IGF1R: variants seen among roughly 807,000 people sequenced by gnomAD.
The protein encoded by IGF1R is insulin like growth factor 1 receptor, also known as insulin-like growth factor 1 receptor.
IGF1R carries 44 observed loss-of-function variants against 144.6 expected under a neutral mutation model. The observed-to-expected ratio is 0.30, with a 90% CI of 0.24 to 0.39. The LOEUF (loss-of-function observed/expected upper bound fraction) is 0.39. Among genes scored for constraint, IGF1R ranks in the 10% least tolerant of loss-of-function variants. The pLI is 1.00. For synonymous variants in IGF1R, 795 were observed against 722.8 expected (o/e 1.10, Z -1.60); for missense variants, 1,355 against 1,833.7 (o/e 0.74, Z 4.77).
chr15:98,674,473 C>CT (rs2052980022), intron 1 of IGF1R, among the ~76,000 whole-genome samples: 2 of 152,260 alleles, frequency 1.3e-5, no homozygotes, highest in South Asian at 4.1e-4. Flanking sequence ...TATATGAGGT[C>CT]TACAGAGCGC....
chr15:98,817,903 C>T (rs920562629), intron 2 of IGF1R, among the ~76,000 whole-genome samples: 2 of 152,172 alleles, frequency 1.3e-5, no homozygotes, highest in Non-Finnish European at 2.9e-5. Flanking sequence ...TTCTCTCCAG[C>T]GTCATGGTTG....
intron 2 of IGF1R, among the ~76,000 whole-genome samples, chr15:98,772,485 T>TATC (rs1397161883): frequency 4.8e-5 from 3 of 62,412 alleles, no homozygotes; most frequent in Non-Finnish European, 1.1e-4. Flanking sequence ...AAATTATTAT[T>TATC]ATTATTATTA....
chr15:98,797,584 A>T (rs2056274279), intron 2 of IGF1R, among the ~76,000 whole-genome samples: 1 of 152,204 alleles, frequency 6.6e-6, no homozygotes, highest in Non-Finnish European at 1.5e-5. Context: ...AAGGCATTCC[A>T]TGCACATGCA....
chr15:98,899,271 C>A (rs903814003), intron 4 of IGF1R, among the ~76,000 whole-genome samples: 2 of 152,174 alleles, frequency 1.3e-5, no homozygotes, highest in Admixed American at 1.3e-4. Flanking sequence ...ACTTGGCTTC[C>A]CCTGCCTGGG....
intron 2 of IGF1R, among the ~76,000 whole-genome samples, chr15:98,848,176 CT>C (rs2141549998): frequency 6.6e-6 from 1 of 152,286 alleles, no homozygotes; most frequent in South Asian, 2.1e-4. Context: ...AAGTTGGAAC[CT>C]CTAGGTTTGA....
intron 1 of IGF1R, among the ~76,000 whole-genome samples, chr15:98,671,454 A>T (rs1836926534): frequency 6.6e-6 from 1 of 152,194 alleles, no homozygotes; most frequent in African/African-American, 2.4e-5. Context: ...TGTAAGGAGC[A>T]TGTCCCAACT....
intron 2 of IGF1R, among the ~76,000 whole-genome samples, chr15:98,826,971 T>C (rs1292474454): frequency 1.3e-5 from 2 of 152,236 alleles, no homozygotes; most frequent in Middle Eastern, 3.2e-3. Context: ...ATTAGACTCT[T>C]TTCATATCCC....
intron 2 of IGF1R, among the ~76,000 whole-genome samples, chr15:98,779,488 C>T (rs76530533): frequency 6.8e-4 from 103 of 152,298 alleles, no homozygotes; most frequent in African/African-American, 2.3e-3. Flanking sequence ...CTATTCCCAC[C>T]GTACAGATGA....
intron 1 of IGF1R, among the ~76,000 whole-genome samples, chr15:98,699,221 G>A (rs1448739192): frequency 6.6e-6 from 1 of 152,192 alleles, no homozygotes; most frequent in African/African-American, 2.4e-5. Flanking sequence ...GAGGTTTAGG[G>A]TGCTGTCTCA....
chr15:98,675,616 G>T (rs187859278), intron 1 of IGF1R, among the ~76,000 whole-genome samples: 1 of 152,228 alleles, frequency 6.6e-6, no homozygotes, highest in East Asian at 1.9e-4. Flanking sequence ...TGCCTAGTAA[G>T]TTTATACTCA....
At chr15:98,716,509 G>C (rs1291555516) in intron 2 of IGF1R, among the ~76,000 whole-genome samples, 1 of 152,070 alleles carries the variant, frequency 6.6e-6, no homozygotes, top group African/African-American at 2.4e-5. Flanking sequence ...ACCATTCTGG[G>C]TTCTAATCTG....
Position 98,801,587 on chromosome 15 carries a change from G to A in IGF1R, c.641-89738G>A, listed in dbSNP as rs557339622. 2.0e-5 allele frequency among the ~76,000 whole-genome samples: 3 copies of A among 152,334 alleles called. No homozygotes were observed. The South Asian group carries it at 6.2e-4, about 32-fold the overall frequency. On this transcript the variant is annotated intron_variant, in intron 2 of 20. Coordinates refer to ENST00000650285, the MANE Select transcript of IGF1R (RefSeq NM_000875.5). ...GGAGCAAACCCCAAGCCGACTGCTT[G>A]TCTGTGCCACCCTCAAACAATGATT... is the stretch of plus-strand genomic sequence containing the variant.
At chr15:98,947,714 G>A (rs931459236) in intron 19 of IGF1R, among the ~76,000 whole-genome samples, 2 of 152,152 alleles carry the variant, frequency 1.3e-5, no homozygotes, top group African/African-American at 4.8e-5. Context: ...GCATGCATAT[G>A]GCAGAATTGC....
At chr15:98,919,136 C>G (rs1381676025) in intron 10 of IGF1R, among the ~76,000 whole-genome samples, 2 of 152,198 alleles carry the variant, frequency 1.3e-5, no homozygotes, top group Non-Finnish European at 2.9e-5. Context: ...GGTTTGGTGA[C>G]TTCTCTGACA....
chr15:98,672,598 T>G (rs954911222), intron 1 of IGF1R, among the ~76,000 whole-genome samples: 4 of 150,014 alleles, frequency 2.7e-5, no homozygotes, highest in Non-Finnish European at 4.4e-5. Context: ...AAAGTGTAGG[T>G]TAGCAAAAGT....
In IGF1R at chr15:98,891,389, C is replaced by T; in HGVS notation, c.705C>T (p.Cys235=). The T allele has an allele frequency of 6.2e-7, 1 of 1,612,564 alleles. No homozygotes were observed. Among genetic ancestry groups the T allele is most frequent in the Non-Finnish European group, 8.5e-7 (1 of 1,180,006 alleles). ...TENNECCHPE[C]LGSCSAPDND... is the part of the protein sequence containing the mutation. ...ACAATGAGTGCTGCCACCCCGAGTG[C>T]CTGGGCAGCTGCAGCGCGCCTGACA... The change falls in exon 3 of 21, where the codon TGC becomes TGT. Residue 235 remains cysteine, a synonymous_variant. Coordinates refer to ENST00000650285, the MANE Select transcript of IGF1R (RefSeq NM_000875.5). The surrounding 1 kb of genome is among the most constrained non-coding windows in gnomAD (Gnocchi z 4.7).
chr15:98,887,030 C>T (rs1232507992), intron 2 of IGF1R, among the ~76,000 whole-genome samples: 1 of 152,218 alleles, frequency 6.6e-6, no homozygotes, highest in East Asian at 1.9e-4. Flanking sequence ...AGAGCATGTG[C>T]TTATGCATAG....
intron 1 of IGF1R, among the ~76,000 whole-genome samples, chr15:98,695,932 T>A (rs2053585108): frequency 1.3e-5 from 2 of 151,766 alleles, no homozygotes; most frequent in African/African-American, 4.9e-5. Flanking sequence ...TCTCTCTTAA[T>A]GTGTGGAGGC....
At chr15:98,665,194 G>A (rs368498906) in intron 1 of IGF1R, among the ~76,000 whole-genome samples, 187 of 152,176 alleles carry the variant, frequency 1.2e-3, no homozygotes, top group South Asian at 2.7e-3. Context: ...CTTGTGATCC[G>A]CCCACCTCGG....
Sources: allele counts gnomAD v4.1 joint callset (sites outside exome capture counted in the v4.1 genomes callset), GRCh38; gene constraint gnomAD v4.1.1; non-coding constraint Gnocchi (gnomAD v3.1); transcripts MANE v1.5; gene names NCBI Gene and HGNC (gene_info 2026-07-23, HGNC 2026-07-21).